Variants in C10orf67 observed in about 807,000 individuals in gnomAD.
C10orf67 encodes the protein chromosome 10 open reading frame 67.
In C10orf67, 60 loss-of-function variants were observed where a neutral mutation model predicts 35.6. The ratio of observed to expected loss-of-function variants is 1.68; its 90% CI spans 1.37 to 2.09. C10orf67 has a LOEUF of 2.09. Ranked by LOEUF, C10orf67 falls within the 30% of genes most tolerant of loss-of-function variation. The pLI, the probability that C10orf67 is intolerant of heterozygous loss-of-function variation, is 0.00. For missense variants in C10orf67, 474 were observed against 330.2 expected, an observed-to-expected ratio of 1.44 and a Z score of -3.38; for synonymous variants, 167 against 115.8, an observed-to-expected ratio of 1.44 and a Z score of -2.84.
At chr10:23,213,369 T>A (rs1286387025) in intron 15 of C10orf67, among the ~76,000 whole-genome samples, 1 of 152,244 alleles carries the variant, frequency 6.6e-6, no homozygotes, top group African/African-American at 2.4e-5. Flanking sequence ...CCAAATTTTA[T>A]CATGAATATT....
chr10:23,301,990 G>A (rs2132283318), intron 5 of C10orf67, among the ~76,000 whole-genome samples: 1 of 152,322 alleles, frequency 6.6e-6, no homozygotes. Flanking sequence ...AGGGATGGAA[G>A]TCAGCGGTGG....
In C10orf67 at chr10:23,215,197, T is replaced by G. The variant is rs565456002; in HGVS notation, c.1570+8401A>C. Among the ~76,000 whole-genome samples the G allele has an allele frequency of 1.6e-4, 25 of 152,292 alleles. No individual in the cohort carries two copies. In the East Asian group the frequency reaches 4.8e-3, roughly 29 times the overall value. ...AATAAAAAAATAGAACACTAACAGC[T>G]ATTAAAGAAACTAAATTTGTATTCG... On this transcript the variant is annotated intron_variant, in intron 15 of 15. Transcript: ENST00000636213.
At chr10:23,295,229 A>G (rs1843846328) in intron 5 of C10orf67, among the ~76,000 whole-genome samples, 2 of 152,222 alleles carry the variant, frequency 1.3e-5, no homozygotes, top group Non-Finnish European at 2.9e-5. Flanking sequence ...TCTGGATGCC[A>G]CTGAAAGCCA....
At chr10:23,290,389 A>G (rs1258771531) in intron 6 of C10orf67, among the ~76,000 whole-genome samples, 1 of 152,174 alleles carries the variant, frequency 6.6e-6, no homozygotes, top group East Asian at 1.9e-4. Context: ...TATTAATATA[A>G]TATATCTCAT....
At chr10:23,209,998 TAAAAAAAAA>T (rs59247961) in intron 15 of C10orf67, among the ~76,000 whole-genome samples, 1 of 67,216 alleles carries the variant, frequency 1.5e-5, no homozygotes, top group African/African-American at 5.7e-5. Flanking sequence ...AGACCTTGGC[TAAAAAAAAA>T]AAAAAAAAAA....
At position 23,204,119 on chromosome 10, in the gene C10orf67, C is replaced by A. The variant is rs1358442016; in HGVS notation, c.*54G>T. On this transcript the variant is annotated 3_prime_UTR_variant, in exon 16 of 16. Coordinates refer to ENST00000636213, the MANE Select transcript of C10orf67 (RefSeq NM_001371909.1). ...CCGAGGGAGGCACCTTACACCAGGA[C>A]GGCGAGGCCACTCTTTCTGAGGCCC... 4 of 470,960 alleles carry A rather than the reference C, an allele frequency of 8.5e-6. No individual in the cohort carries two copies. The highest frequency in any genetic ancestry group is 1.6e-5 in the Non-Finnish European group (4 of 255,850). 29.2% of individuals were successfully genotyped at this position (470,960 alleles called of 1,614,324 possible).
At chr10:23,240,817 A>G (rs545880942) in intron 12 of C10orf67, among the ~76,000 whole-genome samples, 54 of 152,376 alleles carry the variant, frequency 3.5e-4, no homozygotes, top group African/African-American at 1.3e-3. Context: ...GGAGCCTCCC[A>G]TCTAATGAAG....
In C10orf67 at chr10:23,344,228, G is replaced by A. The variant is rs1388683458; in HGVS notation, c.206+341C>T. On this transcript the variant is annotated intron_variant, in intron 1 of 15. Transcript: ENST00000636213. ...ATAGGGAGAAGGTTGGGGATGGGGG[G>A]GAAGGGGAGAGGGAAAGGAAGTAGA... is the stretch of plus-strand genomic sequence containing the variant. 44 of 281,144 alleles carry A rather than the reference G, an allele frequency of 1.6e-4. 1 individual carries two copies. Among genetic ancestry groups the A allele is most frequent in the African/African-American group, 1.1e-3 (36 of 33,034 alleles). 17.4% of individuals were successfully genotyped at this position (281,144 alleles called of 1,614,324 possible). A position where few individuals can be genotyped will look rare whatever the true frequency, so the allele number is the denominator to read the frequency against.
intron 5 of C10orf67, 43 bp from the exon 6 acceptor site, chr10:23,291,322 G>T: frequency 1.4e-6 from 1 of 689,840 alleles, no homozygotes; most frequent in South Asian, 1.6e-5. Flanking sequence ...GGGAGCCAAG[G>T]ATTTAAATAT....
chr10:23,202,669 C>T (rs1841056392), downstream of C10orf67: 1 of 152,188 alleles, frequency 6.6e-6, no homozygotes, highest in Non-Finnish European at 1.5e-5. Context: ...TGGCTGAGAG[C>T]CTCAGAAATT....
chr10:23,279,965 C>T (rs1035831709), intron 8 of C10orf67, among the ~76,000 whole-genome samples: 35 of 152,122 alleles, frequency 2.3e-4, no homozygotes, highest in Admixed American at 9.2e-4. Context: ...CCTCACACTT[C>T]CCACCTAGCC....
At chr10:23,238,743 T>A (rs1295118508) in intron 13 of C10orf67, among the ~76,000 whole-genome samples, 1 of 152,158 alleles carries the variant, frequency 6.6e-6, no homozygotes, top group African/African-American at 2.4e-5. Flanking sequence ...ACTAAAATTA[T>A]AACCTGCAGG....
chr10:23,216,709 G>A (rs1001967818), intron 15 of C10orf67, among the ~76,000 whole-genome samples: 2 of 152,098 alleles, frequency 1.3e-5, no homozygotes, highest in African/African-American at 4.8e-5. Context: ...ACATTTATAG[G>A]TAAAAATTAA....
chr10:23,342,305 C>T lies in C10orf67; in HGVS notation c.206+2264G>A, dbSNP rs79016365. 7.6e-3 allele frequency among the ~76,000 whole-genome samples: 1,154 copies of T among 152,198 alleles called. 83 individuals are homozygous for T. In the East Asian group the frequency reaches 0.16, roughly 22 times the overall value. ...TGTTCGGTTTCTTCCTTATCACTAA[C>T]CACTATCTAACTTATTACATAGTTT... On this transcript the variant is annotated intron_variant, in intron 1 of 15. Transcript: ENST00000636213.
At chr10:23,256,177 T>C (rs1024780271) in intron 10 of C10orf67, among the ~76,000 whole-genome samples, 28 of 151,824 alleles carry the variant, frequency 1.8e-4, no homozygotes, top group Non-Finnish European at 3.4e-4. Context: ...AATTTTCGTA[T>C]TTTTTTTAGA....
chr10:23,271,885 A>AT (rs34945753), intron 8 of C10orf67, among the ~76,000 whole-genome samples: 6 of 152,226 alleles, frequency 3.9e-5, no homozygotes, highest in African/African-American at 1.4e-4. Flanking sequence ...TCATTAAAAA[A>AT]TTTTTTTGAA....
rs535238651 is a variant in C10orf67 at position 23,325,540 on chromosome 10, A to C, written c.328-3003T>G. Among the ~76,000 whole-genome samples the C allele has an allele frequency of 2.5e-3, 362 of 145,762 alleles. 14 individuals carry two copies. The highest frequency in any genetic ancestry group is 0.024 in the Admixed American group (354 of 14,610). The stretch of plus-strand genomic sequence containing the variant: ...AACAAGTTAATTGTGTGCAAAAAAA[A>C]AAAAAACAAAAAACAAAAAAACAAA... On this transcript the variant is annotated intron_variant, in intron 2 of 15. Transcript: ENST00000636213.
intron 15 of C10orf67, among the ~76,000 whole-genome samples, chr10:23,214,931 G>C (rs936111376): frequency 6.6e-6 from 1 of 152,180 alleles, no homozygotes; most frequent in Non-Finnish European, 1.5e-5. Flanking sequence ...GCTGAAGCAG[G>C]AGAGTCACTT....
At chr10:23,208,129 C>A (rs764227710) in intron 15 of C10orf67, among the ~76,000 whole-genome samples, 2 of 152,148 alleles carry the variant, frequency 1.3e-5, no homozygotes, top group African/African-American at 4.8e-5. Flanking sequence ...TTTGCACGTA[C>A]GAATTTGAAA....
Sources: gnomAD v4.1 joint callset for allele counts (sites outside exome capture counted in the v4.1 genomes callset) on GRCh38, gnomAD v4.1.1 for gene constraint, MANE v1.5 for transcripts, NCBI Gene and HGNC (gene_info 2026-07-23, HGNC 2026-07-21) for gene names.